CMSS1: variants seen among roughly 807,000 people sequenced by gnomAD.
CMSS1 encodes cms1 ribosomal small subunit homolog, also known as protein CMSS1.
CMSS1 carries 33 observed loss-of-function variants against 43.5 expected under a neutral mutation model. The ratio of observed to expected loss-of-function variants is 0.76; its 90% CI spans 0.57 to 1.01. CMSS1 has a LOEUF of 1.01. CMSS1 is among the 50% of genes least tolerant of loss of function. The pLI is 0.00. For missense variants in CMSS1, 313 were observed against 326.4 expected (o/e 0.96, Z 0.32); for synonymous variants, 115 against 117.2 (o/e 0.98, Z 0.12).
In CMSS1 at chr3:99,936,905, C is replaced by T. The variant is rs1315560380; in HGVS notation, c.64+118862C>T. Among the ~76,000 whole-genome samples the T allele has an allele frequency of 8.5e-5, 13 of 152,188 alleles. No homozygotes were observed. In the East Asian group the frequency reaches 9.7e-4, roughly 11 times the overall value. ...CCCTACTATGTCAAGTATTGTGCTA[C>T]GCAATTTTGTTTTAACTAGCTTATT... On this transcript the variant is annotated intron_variant, in intron 1 of 9. Transcript: ENST00000421999.
At chr3:100,035,626 T>A (rs2065095099) in intron 1 of CMSS1, among the ~76,000 whole-genome samples, 1 of 152,206 alleles carries the variant, frequency 6.6e-6, no homozygotes, top group Non-Finnish European at 1.5e-5. Context: ...TTGACCTTTT[T>A]CACCCCACCA....
At chr3:100,133,969 T>C (rs1003692252) in intron 1 of CMSS1, among the ~76,000 whole-genome samples, 2 of 152,180 alleles carry the variant, frequency 1.3e-5, no homozygotes, top group Non-Finnish European at 2.9e-5. Context: ...GTATTAATAG[T>C]ATAATAGGTA....
At position 99,818,082 on chromosome 3, in the gene CMSS1, C is replaced by A. The variant is rs758514251; in HGVS notation, c.64+39C>A. ...GCCCGCGCTCCTACGGGGCCTCTCC[C>A]GGAGCCCTTCCGTGCGCCTCAGCCC... On this transcript the variant is annotated intron_variant, in intron 1 of 9. Coordinates refer to ENST00000421999, the MANE Select transcript of CMSS1 (RefSeq NM_032359.4). 2.5e-6 allele frequency: 4 copies of A among 1,594,696 alleles called. No individual in the cohort carries two copies. The South Asian group carries it at 4.4e-5, about 18-fold the overall frequency.
At chr3:99,936,494 G>T (rs1365977667) in intron 1 of CMSS1, among the ~76,000 whole-genome samples, 2 of 140,476 alleles carry the variant, frequency 1.4e-5, no homozygotes, top group African/African-American at 5.4e-5. Context: ...TCCTGCCTCA[G>T]CCTCCCAAGT....
intron 1 of CMSS1, among the ~76,000 whole-genome samples, chr3:99,925,083 ATCTCT>A (rs1707249311): frequency 6.6e-6 from 1 of 152,266 alleles, no homozygotes; most frequent in African/African-American, 2.4e-5. Context: ...GCCCTAGCTG[ATCTCT>A]TCTGCCCCAG....
intron 1 of CMSS1, among the ~76,000 whole-genome samples, chr3:99,893,651 C>G (rs1706163019): frequency 6.6e-6 from 1 of 152,112 alleles, no homozygotes; most frequent in African/African-American, 2.4e-5. Flanking sequence ...AAGCAGATAG[C>G]TAATTCCTTT....
At chr3:99,890,085 A>G (rs1230052601) in intron 1 of CMSS1, among the ~76,000 whole-genome samples, 1 of 151,958 alleles carries the variant, frequency 6.6e-6, no homozygotes, top group Non-Finnish European at 1.5e-5. Flanking sequence ...CTCTTTGCAC[A>G]CTGTATTTAT....
chr3:100,064,790 T>C (rs1477046980), intron 1 of CMSS1, among the ~76,000 whole-genome samples: 1 of 152,150 alleles, frequency 6.6e-6, no homozygotes, highest in African/African-American at 2.4e-5. Flanking sequence ...GAGAGTCAAT[T>C]TGACAAACAG....
At chr3:99,929,784 T>C (rs1707416900) in intron 1 of CMSS1, 1 of 1,135,286 alleles carries the variant, frequency 8.8e-7, no homozygotes, top group Admixed American at 2.5e-5. Flanking sequence ...AAAGAGGAGT[T>C]ACAGATCATG....
intron 1 of CMSS1, among the ~76,000 whole-genome samples, chr3:99,976,738 C>T (rs1708983663): frequency 1.3e-5 from 2 of 152,044 alleles, no homozygotes; most frequent in Admixed American, 1.3e-4. Context: ...ATTGTTGTTA[C>T]TTACCCTACT....
intron 1 of CMSS1, among the ~76,000 whole-genome samples, chr3:99,845,727 G>A (rs1169207086): frequency 2.0e-5 from 3 of 152,156 alleles, no homozygotes; most frequent in African/African-American, 7.2e-5. Flanking sequence ...AAAAAAAGAT[G>A]TTTTGCAGAA....
intron 1 of CMSS1, among the ~76,000 whole-genome samples, chr3:100,085,144 C>T (rs1235164629): frequency 1.3e-5 from 2 of 152,134 alleles, no homozygotes; most frequent in African/African-American, 2.4e-5. Context: ...CAGTCCTGAT[C>T]AGTTGAATTA....
intron 1 of CMSS1, among the ~76,000 whole-genome samples, chr3:100,131,013 A>G (rs2066702057): frequency 6.6e-6 from 1 of 152,216 alleles, no homozygotes; most frequent in Non-Finnish European, 1.5e-5. Flanking sequence ...CATCAGTACC[A>G]AATGCCCCAG....
intron 1 of CMSS1, among the ~76,000 whole-genome samples, chr3:99,926,952 A>G (rs1209726494): frequency 6.6e-6 from 1 of 152,076 alleles, no homozygotes; most frequent in Non-Finnish European, 1.5e-5. Context: ...CTCATCACTG[A>G]CAGCATGATT....
At position 99,894,199 on chromosome 3, in the gene CMSS1, A is replaced by G. The variant is rs1319740661; in HGVS notation, c.64+76156A>G. ...TAATAGAAAAGGAGATAGGATGGTT[A>G]AAAACTAAGTAGATTGCATAAGATA... On this transcript the variant is annotated intron_variant, in intron 1 of 9. Transcript: ENST00000421999. Among the ~76,000 whole-genome samples, 8 of 152,234 alleles carry G rather than the reference A, an allele frequency of 5.3e-5. No homozygotes were observed. In the East Asian group the frequency reaches 1.3e-3, roughly 26 times the overall value.
chr3:100,016,973 T>C (rs1262081015), intron 1 of CMSS1, among the ~76,000 whole-genome samples: 1 of 152,206 alleles, frequency 6.6e-6, no homozygotes, highest in Non-Finnish European at 1.5e-5. Flanking sequence ...TTACATAAGA[T>C]TTGCTTTAAT....
At chr3:100,076,058 A>G (rs1425731569) in intron 1 of CMSS1, among the ~76,000 whole-genome samples, 1 of 152,050 alleles carries the variant, frequency 6.6e-6, no homozygotes, top group East Asian at 1.9e-4. Flanking sequence ...TTTCAACTAC[A>G]TGGCTTTGGG....
chr3:99,883,481 G>A (rs1705795626), intron 1 of CMSS1, among the ~76,000 whole-genome samples: 1 of 152,180 alleles, frequency 6.6e-6, no homozygotes, highest in African/African-American at 2.4e-5. Context: ...AGCATTATCA[G>A]AGTTATCCTC....
intron 1 of CMSS1, among the ~76,000 whole-genome samples, chr3:100,101,858 A>G (rs2066312612): frequency 6.6e-6 from 1 of 152,104 alleles, no homozygotes. Flanking sequence ...CCTACGAGTG[A>G]GAACATGCAG....
Sources: allele counts gnomAD v4.1 joint callset (sites outside exome capture counted in the v4.1 genomes callset), GRCh38; gene constraint gnomAD v4.1.1; transcripts MANE v1.5; gene names NCBI Gene and HGNC (gene_info 2026-07-23, HGNC 2026-07-21).